ACCSL: variants seen among roughly 807,000 people sequenced by gnomAD.
The protein encoded by ACCSL is 1-aminocyclopropane-1-carboxylate synthase homolog (inactive) like, also known as probable inactive 1-aminocyclopropane-1-carboxylate synthase-like protein 2.
In ACCSL, 55 loss-of-function variants were observed where a neutral mutation model predicts 61.7. That is an observed-to-expected ratio of 0.89 (90% CI 0.72 to 1.12). ACCSL has a LOEUF of 1.12. Ranked by LOEUF, ACCSL falls within the 50% of genes most tolerant of loss-of-function variation. ACCSL has a pLI of 0.00. For missense variants in ACCSL, 632 were observed against 698.0 expected (o/e 0.91, Z 1.07); for synonymous variants, 258 against 264.3 (o/e 0.98, Z 0.23).
the ACCSL span, among the ~76,000 whole-genome samples, chr11:43,923,435 A>C: frequency 2.0e-5 from 3 of 152,142 alleles, no homozygotes; most frequent in African/African-American, 7.2e-5. Flanking sequence ...TGTTTATTTA[A>C]AACTTTACTT....
At chr11:43,964,575 G>T in the ACCSL span, among the ~76,000 whole-genome samples, 1 of 151,746 alleles carries the variant, frequency 6.6e-6, no homozygotes, top group African/African-American at 2.4e-5. Context: ...TCAAAAAATA[G>T]AAAAGGAGGG....
chr11:43,926,635 G>GT, the ACCSL span: 55,305 of 316,758 alleles, frequency 0.17, 6,094 homozygotes, highest in Non-Finnish European at 0.24. Flanking sequence ...GGCAAAATTA[G>GT]TTTTTTCTCC....
At chr11:43,952,386 C>G in the ACCSL span, among the ~76,000 whole-genome samples, 9 of 152,260 alleles carry the variant, frequency 5.9e-5, no homozygotes, top group South Asian at 1.9e-3. Context: ...TGTCTTATTC[C>G]CAATTTCTGC....
At chr11:43,958,468 A>G in the ACCSL span, among the ~76,000 whole-genome samples, 1 of 152,176 alleles carries the variant, frequency 6.6e-6, no homozygotes, top group African/African-American at 2.4e-5. Context: ...AAAGACTCTG[A>G]TCCCCAAGTT....
chr11:43,933,060 C>G, the ACCSL span: 2 of 455,648 alleles, frequency 4.4e-6, no homozygotes, highest in Non-Finnish European at 8.8e-6. Context: ...GCGTTTCTGG[C>G]TCCAGCTGCC....
At chr11:43,931,711 AGTTAG>A in the ACCSL span, among the ~76,000 whole-genome samples, 1 of 152,222 alleles carries the variant, frequency 6.6e-6, no homozygotes, top group Non-Finnish European at 1.5e-5. Context: ...GCCTGGCAAG[AGTTAG>A]GTGCTCAGGA....
At chr11:43,987,067 C>G in the ACCSL span, among the ~76,000 whole-genome samples, 2 of 152,090 alleles carry the variant, frequency 1.3e-5, no homozygotes, top group Admixed American at 1.3e-4. Context: ...GCTGCTCTCC[C>G]CAGTGACCTG....
At chr11:43,978,962 G>A in the ACCSL span, among the ~76,000 whole-genome samples, 1 of 151,958 alleles carries the variant, frequency 6.6e-6, no homozygotes, top group South Asian at 2.1e-4. Context: ...GGTTTTGTTG[G>A]GAAAGCCTTG....
chr11:43,967,798 A>C, the ACCSL span, among the ~76,000 whole-genome samples: 1 of 152,132 alleles, frequency 6.6e-6, no homozygotes, highest in Non-Finnish European at 1.5e-5. Flanking sequence ...ATGCCCAGCT[A>C]TTGGTAGAAG....
the ACCSL span, among the ~76,000 whole-genome samples, chr11:44,034,050 G>A: frequency 6.6e-6 from 1 of 152,158 alleles, no homozygotes; most frequent in African/African-American, 2.4e-5. Flanking sequence ...GGCTGTCATT[G>A]TGCAGCCATT....
the ACCSL span, among the ~76,000 whole-genome samples, chr11:43,972,151 T>C: frequency 6.6e-6 from 1 of 152,172 alleles, no homozygotes; most frequent in Admixed American, 6.5e-5. Context: ...ATTCCTACAT[T>C]GACTTTTCCC....
the ACCSL span, among the ~76,000 whole-genome samples, chr11:44,002,006 G>A: frequency 5.9e-5 from 9 of 152,190 alleles, no homozygotes; most frequent in East Asian, 7.8e-4. Flanking sequence ...GGCTCAGGGA[G>A]GGGGCCTTGG....
the ACCSL span, among the ~76,000 whole-genome samples, chr11:43,979,783 G>T: frequency 6.7e-6 from 1 of 149,358 alleles, no homozygotes; most frequent in Non-Finnish European, 1.5e-5. Context: ...GGAGGCGGGG[G>T]TTGCAGTGGG....
the ACCSL span, among the ~76,000 whole-genome samples, chr11:43,953,813 G>A: frequency 6.0e-4 from 92 of 152,192 alleles, no homozygotes; most frequent in African/African-American, 2.1e-3. Context: ...GCATATAATC[G>A]AAAAATAACC....
chr11:43,979,136 C>T, the ACCSL span, among the ~76,000 whole-genome samples: 2 of 152,020 alleles, frequency 1.3e-5, no homozygotes, highest in Admixed American at 6.6e-5. Context: ...TTCATCAAAA[C>T]CTAATCCATA....
At chr11:43,929,888 G>A in the ACCSL span, among the ~76,000 whole-genome samples, 23 of 152,122 alleles carry the variant, frequency 1.5e-4, no homozygotes, top group African/African-American at 5.1e-4. Context: ...ATGGAGCAAC[G>A]TCTGTGTAGA....
At chr11:44,000,621 CT>C in the ACCSL span, among the ~76,000 whole-genome samples, 195 of 148,042 alleles carry the variant, frequency 1.3e-3, no homozygotes, top group African/African-American at 4.4e-3. Context: ...GCCCAGCCCC[CT>C]GTCTCTATTA....
the ACCSL span, among the ~76,000 whole-genome samples, chr11:44,030,598 T>C: frequency 1.3e-5 from 2 of 152,128 alleles, no homozygotes; most frequent in Non-Finnish European, 2.9e-5. Flanking sequence ...CCTTCAATTT[T>C]TGTGTGTCCC....
the ACCSL span, among the ~76,000 whole-genome samples, chr11:43,945,959 A>G: frequency 6.6e-6 from 1 of 152,232 alleles, no homozygotes; most frequent in Non-Finnish European, 1.5e-5. Context: ...TGAGGGGACC[A>G]TATTCCCTGC....
Sources: allele counts gnomAD v4.1 joint callset (sites outside exome capture counted in the v4.1 genomes callset), GRCh38; gene constraint gnomAD v4.1.1; transcripts MANE v1.5; gene names NCBI Gene and HGNC (gene_info 2026-07-23, HGNC 2026-07-21).